Variants in ACKR4 observed in about 807,000 individuals in gnomAD.
ACKR4 encodes C-C CKR-11.
Under a neutral mutation model 8.5 loss-of-function variants are expected in ACKR4, and 2 were observed. The ratio of observed to expected loss-of-function variants is 0.23; its 90% CI spans 0.10 to 0.74. The LOEUF (loss-of-function observed/expected upper bound fraction) is 0.74. ACKR4 is among the 30% of genes least tolerant of loss of function. The pLI is 0.75. For synonymous variants in ACKR4, 67 were observed against 145.0 expected, an observed-to-expected ratio of 0.46 and a Z score of 3.86; for missense variants, 167 against 422.1, an observed-to-expected ratio of 0.40 and a Z score of 5.30.
chr3:132,600,524 T>C lies in ACKR4; in HGVS notation c.127T>C (p.Phe43Leu), dbSNP rs1170009053. The stretch of plus-strand genomic sequence containing the variant: ...AGATGTCAGAGAATTTGCAAAAGTT[T>C]TCCTCCCTGTATTCCTCACAATAGT... The part of the protein sequence containing the change: ...KEDVREFAKV[F>L]LPVFLTIVFV... The change falls in exon 2 of 2, where the codon TTC becomes CTC. Residue 43 changes from phenylalanine to leucine, a missense_variant. By Grantham distance (22) the Phe-to-Leu change is conservative. This residue lies in a region of ACKR4 where 149 missense variants were observed against 281.9 expected (regional missense o/e 0.53). Coordinates refer to ENST00000249887, the MANE Select transcript of ACKR4 (RefSeq NM_016557.4). 1 of 1,613,920 alleles carries C rather than the reference T, an allele frequency of 6.2e-7. No individual in the cohort carries two copies. Among genetic ancestry groups the C allele is most frequent in the Admixed American group, 1.7e-5 (1 of 60,018 alleles).
chr3:132,600,365 T>C (rs776936636), intron 1 of ACKR4, 24 bp from the exon 2 acceptor site: 27 of 1,521,238 alleles, frequency 1.8e-5, no homozygotes, highest in Non-Finnish European at 1.9e-5. Flanking sequence ...CAAATATCTA[T>C]CCTGTATTCT....
chr3:132,600,611 CAG>C lies in ACKR4; in HGVS notation c.218_219del (p.Arg73AsnfsTer27), dbSNP rs1559949712. On this transcript the variant is annotated frameshift_variant, in exon 2 of 2. Coordinates refer to ENST00000249887, the MANE Select transcript of ACKR4 (RefSeq NM_016557.4). LOFTEE classifies it low-confidence loss of function (END_TRUNC). ...GGCAATTTATGCCTATTACAAGAAA[CAG>C]AGAACCAAAACAGATGTGTACATCC... ...VVAIYAYYKK[Q>X]RTKTDVYILN... The C allele has an allele frequency of 1.9e-6, 3 of 1,613,778 alleles. No homozygotes were observed. In the Admixed American group the frequency reaches 5.0e-5, roughly 27 times the overall value.
rs1422335919 is a variant in ACKR4 at position 132,601,221 on chromosome 3, G to A, written c.824G>A (p.Cys275Tyr). Residue 275 changes from cysteine to tyrosine, a missense_variant, in exon 2 of 2, where the codon TGC (cysteine) becomes TAC (tyrosine). Coordinates refer to ENST00000249887, the MANE Select transcript of ACKR4 (RefSeq NM_016557.4). ...IDIIYSLITS[C>Y]NMSKRMDIAI... ...ATCATCTACTCCCTGATCACCAGCT[G>A]CAACATGAGCAAACGCATGGACATC... The A allele has an allele frequency of 6.2e-7, 1 of 1,613,760 alleles. No individual in the cohort carries two copies. The highest frequency in any genetic ancestry group is 8.5e-7 in the Non-Finnish European group (1 of 1,179,858).
In ACKR4 at chr3:132,600,496, A is replaced by C. The variant is rs200765869; in HGVS notation, c.99A>C (p.Lys33Asn). The stretch of plus-strand genomic sequence containing the variant: ...GTCAATATGAACTGATCTGTATCAA[A>C]GAAGATGTCAGAGAATTTGCAAAAG... ...DYSQYELICI[K>N]EDVREFAKVF... The change falls in exon 2 of 2, where the codon AAA becomes AAC. Residue 33 changes from lysine (K) to asparagine (N), a missense_variant. Coordinates refer to ENST00000249887, the MANE Select transcript of ACKR4 (RefSeq NM_016557.4). The C allele has an allele frequency of 4.3e-6, 7 of 1,613,910 alleles. No individual in the cohort carries two copies. Among genetic ancestry groups the C allele is most frequent in the East Asian group, 2.2e-5 (1 of 44,832 alleles).
intron 1 of ACKR4, among the ~76,000 whole-genome samples, chr3:132,599,327 G>A (rs1938464945): frequency 6.6e-6 from 1 of 151,974 alleles, no homozygotes; most frequent in Admixed American, 6.6e-5. Flanking sequence ...CCAACATAGT[G>A]AAACCCCATC....
At position 132,601,049 on chromosome 3, in the gene ACKR4, G is replaced by A. The variant is rs760047133; in HGVS notation, c.652G>A (p.Val218Met). Residue 218 changes from valine to methionine, a missense_variant, in exon 2 of 2, where the codon GTG (valine) becomes ATG (methionine). Transcript: ENST00000249887. ...GFVVPFLIMG[V>M]CYFITARTLM... is the part of the protein sequence containing the mutation. Reference sequence around the variant, plus strand: ...TGTAGTACCCTTTCTTATTATGGGGGTGTGCTACTTTATCACAGCAAGGAC... The same window carrying A: ...TGTAGTACCCTTTCTTATTATGGGGATGTGCTACTTTATCACAGCAAGGAC... 5 of 1,613,964 alleles carry A rather than the reference G, an allele frequency of 3.1e-6. No individual in the cohort carries two copies. Among genetic ancestry groups the A allele is most frequent in the African/African-American group, 1.3e-5 (1 of 75,036 alleles).
intron 1 of ACKR4, among the ~76,000 whole-genome samples, chr3:132,599,091 T>C (rs1039669809): frequency 6.6e-6 from 1 of 152,112 alleles, no homozygotes; most frequent in Non-Finnish European, 1.5e-5. Context: ...GGCAGGTAGA[T>C]TGCTTGAGCC....
rs751778014 is a variant in ACKR4 at position 132,601,071 on chromosome 3, G to T, written c.674G>T (p.Arg225Met). 6.2e-7 allele frequency: 1 copy of T among 1,613,814 alleles called. No homozygotes were observed. Among genetic ancestry groups the T allele is most frequent in the African/African-American group, 1.3e-5 (1 of 74,898 alleles). ...IMGVCYFITA[R>M]TLMKMPNIKI... ...GGGGTGTGCTACTTTATCACAGCAA[G>T]GACACTCATGAAGATGCCAAACATT... is the stretch of plus-strand genomic sequence containing the variant. Residue 225 changes from arginine to methionine, a missense_variant, in exon 2 of 2, where the codon AGG (arginine) becomes ATG (methionine). Around this residue, in one of 2 missense-constraint regions of ACKR4, gnomAD observed 149 missense variants for 281.9 expected, o/e 0.53. Coordinates refer to ENST00000249887, the MANE Select transcript of ACKR4 (RefSeq NM_016557.4).
In ACKR4 at chr3:132,600,624, C is replaced by A. The variant is rs1332131871; in HGVS notation, c.227C>A (p.Thr76Lys). Residue 76 changes from threonine to lysine, a missense_variant, in exon 2 of 2, where the codon ACA (threonine) becomes AAA (lysine). By Grantham distance (78) the Thr-to-Lys change is moderately conservative. This residue lies in a region of ACKR4 where 149 missense variants were observed against 281.9 expected (regional missense o/e 0.53). Coordinates refer to ENST00000249887, the MANE Select transcript of ACKR4 (RefSeq NM_016557.4). ...TATTACAAGAAACAGAGAACCAAAACAGATGTGTACATCCTGAATTTGGCT... is the reference window on the plus strand; with the variant it reads ...TATTACAAGAAACAGAGAACCAAAAAAGATGTGTACATCCTGAATTTGGCT... ...YAYYKKQRTK[T>K]DVYILNLAVA... 6.2e-7 allele frequency: 1 copy of A among 1,613,702 alleles called. No individual in the cohort carries two copies.
In ACKR4 at chr3:132,600,583, A is replaced by G; in HGVS notation, c.186A>G (p.Val62=). Residue 62 remains valine (V), a synonymous_variant, in exon 2 of 2, where the codon GTA becomes GTG. Coordinates refer to ENST00000249887, the MANE Select transcript of ACKR4 (RefSeq NM_016557.4). ...TTGGACTTGCAGGCAATTCCATGGT[A>G]GTGGCAATTTATGCCTATTACAAGA... ...FVIGLAGNSM[V]VAIYAYYKKQ... is the part of the protein sequence containing the mutation. 1.9e-6 allele frequency: 3 copies of G among 1,613,970 alleles called. No homozygotes were observed. Among genetic ancestry groups the G allele is most frequent in the Non-Finnish European group, 2.5e-6 (3 of 1,179,850 alleles).
In ACKR4 at chr3:132,600,630, T is replaced by G. The variant is rs1938534830; in HGVS notation, c.233T>G (p.Val78Gly). ...AAGAAACAGAGAACCAAAACAGATG[T>G]GTACATCCTGAATTTGGCTGTAGCA... ...YYKKQRTKTD[V>G]YILNLAVADL... Residue 78 changes from valine (V) to glycine (G), a missense_variant, in exon 2 of 2, where the codon GTG becomes GGG. By Grantham distance (109) the Val-to-Gly change is moderately radical. This residue lies in a region of ACKR4 where 149 missense variants were observed against 281.9 expected (regional missense o/e 0.53). Transcript: ENST00000249887. The G allele has an allele frequency of 2.5e-6, 4 of 1,613,590 alleles. No individual in the cohort carries two copies. Among genetic ancestry groups the G allele is most frequent in the Non-Finnish European group, 3.4e-6 (4 of 1,179,682 alleles).
intron 1 of ACKR4, among the ~76,000 whole-genome samples, chr3:132,599,231 G>A (rs1474446499): frequency 6.6e-6 from 1 of 152,104 alleles, no homozygotes; most frequent in African/African-American, 2.4e-5. Flanking sequence ...AAATAGGCTG[G>A]GCTCGGTGGC....
chr3:132,599,125 C>A (rs1019042999), intron 1 of ACKR4, among the ~76,000 whole-genome samples: 4 of 151,984 alleles, frequency 2.6e-5, no homozygotes, highest in Non-Finnish European at 5.9e-5. Flanking sequence ...CCAGCCTTGG[C>A]AACCTGGCAA....
rs1456160165 is a variant in ACKR4, at chr3:132,600,838, A to G, written c.441A>G (p.Gln147=). ...TGGCAGTAACTAAAGTCCCCAGCCA[A>G]TCAGGAGTGGGAAAACCATGCTGGA... ...RYVAVTKVPS[Q]SGVGKPCWII... is the part of the protein sequence containing the mutation. Residue 147 remains glutamine, a synonymous_variant, in exon 2 of 2, where the codon CAA becomes CAG. Transcript: ENST00000249887. 3 of 1,613,922 alleles carry G rather than the reference A, an allele frequency of 1.9e-6. No individual in the cohort carries two copies. In the South Asian group the frequency reaches 3.3e-5, roughly 18 times the overall value.
intron 1 of ACKR4, among the ~76,000 whole-genome samples, chr3:132,598,271 T>G (rs1938404584): frequency 1.3e-5 from 2 of 152,234 alleles, no homozygotes; most frequent in African/African-American, 2.4e-5. Context: ...TTACGAATTC[T>G]GTGCAAGCTT....
In ACKR4 at chr3:132,602,178, C is replaced by T. The variant is rs1185071426; in HGVS notation, c.*728C>T. ...TAAGTAATTTTATAAAATCCACCTC[C>T]TCCAAAAAAGCAATAAAAAAAAAAC... On this transcript the variant is annotated 3_prime_UTR_variant, in exon 2 of 2. Coordinates refer to ENST00000249887, the MANE Select transcript of ACKR4 (RefSeq NM_016557.4). The T allele has an allele frequency of 5.4e-5, 9 of 165,912 alleles. No homozygotes were observed. The highest frequency in any genetic ancestry group is 1.3e-4 in the Non-Finnish European group (9 of 67,968). The allele number at this position is 165,912 out of a possible 1,614,324, so 10.3% of individuals were successfully genotyped here.
chr3:132,600,282 C>A (rs908243151), intron 1 of ACKR4, 107 bp from the exon 2 acceptor site: 1 of 951,250 alleles, frequency 1.1e-6, no homozygotes, highest in Non-Finnish European at 1.5e-6. Flanking sequence ...ACATATGTTA[C>A]AGCAACAGGC....
intron 1 of ACKR4, among the ~76,000 whole-genome samples, chr3:132,599,899 A>C (rs1938491757): frequency 6.6e-6 from 1 of 152,132 alleles, no homozygotes; most frequent in Admixed American, 6.5e-5. Flanking sequence ...TTTATAAATA[A>C]CATCAAAATA....
At chr3:132,597,860 TAATA>T (rs1938384557) in intron 1 of ACKR4, among the ~76,000 whole-genome samples, 1 of 152,164 alleles carries the variant, frequency 6.6e-6, no homozygotes. Context: ...CATACTGTGT[TAATA>T]ATTAATGCAT....
Sources: allele counts gnomAD v4.1 joint callset (sites outside exome capture counted in the v4.1 genomes callset), GRCh38; gene constraint gnomAD v4.1.1; regional missense constraint gnomAD v4.1.1; transcripts MANE v1.5; gene names NCBI Gene and HGNC (gene_info 2026-07-23, HGNC 2026-07-21).